Variants in CLNK observed in about 807,000 individuals in gnomAD.
CLNK encodes cytokine dependent hematopoietic cell linker, also known as cytokine-dependent hematopoietic cell linker.
A neutral mutation model predicts 68.6 loss-of-function variants in CLNK; 74 were observed. The observed-to-expected ratio is 1.08, with a 90% CI of 0.89 to 1.31. The LOEUF (loss-of-function observed/expected upper bound fraction) is 1.31, where lower values mean the gene tolerates loss of function less well. CLNK is among the 50% of genes most tolerant of loss of function. The pLI is 0.00. For synonymous variants in CLNK, 198 were observed against 172.2 expected (o/e 1.15, Z -1.17); for missense variants, 553 against 515.3 (o/e 1.07, Z -0.71).
At chr4:10,521,997 G>A (rs1365654321) in intron 14 of CLNK, among the ~76,000 whole-genome samples, 2 of 152,178 alleles carry the variant, frequency 1.3e-5, no homozygotes, top group African/African-American at 2.4e-5. Context: ...GTTGGCTCAC[G>A]CGTGTAATCC....
the CLNK span, among the ~76,000 whole-genome samples, chr4:10,702,530 AG>A: frequency 6.6e-6 from 1 of 152,242 alleles, no homozygotes; most frequent in Admixed American, 6.5e-5. Context: ...GCTGACAGGC[AG>A]CAAATCTGGG....
At chr4:10,520,700 C>T (rs1441524527) in intron 15 of CLNK, 91 bp downstream of exon 15, 2 of 899,276 alleles carry the variant, frequency 2.2e-6, no homozygotes, top group South Asian at 1.4e-5. Flanking sequence ...AGCTCAGTGG[C>T]TCTGGGGTTC....
At chr4:10,537,706 C>CCTTCCTTCCTTCCTTTCTTTCTTT (rs1553848181) in intron 11 of CLNK, among the ~76,000 whole-genome samples, 6 of 13,396 alleles carry the variant, frequency 4.5e-4, no homozygotes, top group South Asian at 3.3e-3. Flanking sequence ...TTCCTTCCTT[C>CCTTCCTTCCTTCCTTTCTTTCTTT]CTTTCTTTCT....
intron 18 of CLNK, among the ~76,000 whole-genome samples, chr4:10,496,909 C>G (rs1313185769): frequency 2.0e-5 from 3 of 152,198 alleles, no homozygotes; most frequent in African/African-American, 7.2e-5. Context: ...AGCCCCTATG[C>G]CGGGGCCCGC....
chr4:10,710,030 G>T, the CLNK span, among the ~76,000 whole-genome samples: 1 of 152,206 alleles, frequency 6.6e-6, no homozygotes, highest in Non-Finnish European at 1.5e-5. Flanking sequence ...ATATGGTGGT[G>T]TTTGTTAGGC....
chr4:10,592,458 T>G (rs568156088), intron 3 of CLNK, among the ~76,000 whole-genome samples: 1 of 152,140 alleles, frequency 6.6e-6, no homozygotes, highest in Non-Finnish European at 1.5e-5. Flanking sequence ...CCTCCCCCAC[T>G]TCCCCACTTG....
chr4:10,647,207 A>G (rs1360141864), intron 2 of CLNK, among the ~76,000 whole-genome samples: 1 of 152,206 alleles, frequency 6.6e-6, no homozygotes, highest in Non-Finnish European at 1.5e-5. Flanking sequence ...AAAACTTGTT[A>G]TGTATCAAGA....
intron 2 of CLNK, among the ~76,000 whole-genome samples, chr4:10,630,975 G>A (rs1390239762): frequency 6.6e-6 from 1 of 152,124 alleles, no homozygotes; most frequent in Admixed American, 6.6e-5. Context: ...TTTACAGAAT[G>A]TATGAAAAAG....
At chr4:10,643,324 T>C (rs1440493323) in intron 2 of CLNK, among the ~76,000 whole-genome samples, 3 of 152,244 alleles carry the variant, frequency 2.0e-5, no homozygotes, top group African/African-American at 7.2e-5. Context: ...ACAGAATGTC[T>C]CTTGGATGTC....
At chr4:10,689,301 A>C (rs1725380741), upstream of CLNK, among the ~76,000 whole-genome samples, 1 of 151,820 alleles carries the variant, frequency 6.6e-6, no homozygotes, top group Non-Finnish European at 1.5e-5. Flanking sequence ...TACCAGGCTA[A>C]CTTTCTTTAG....
At chr4:10,501,518 G>GT in intron 17 of CLNK, 107 bp from the exon 18 acceptor site, 1 of 1,177,708 alleles carries the variant, frequency 8.5e-7, no homozygotes, top group South Asian at 1.5e-5. Context: ...GATGGATTTA[G>GT]TTTTTGGTAA....
At chr4:10,557,580 G>T (rs543651496) in intron 8 of CLNK, among the ~76,000 whole-genome samples, 2 of 152,178 alleles carry the variant, frequency 1.3e-5, no homozygotes. Flanking sequence ...GTCAGCCATG[G>T]TTCTTGTGCC....
the CLNK span, among the ~76,000 whole-genome samples, chr4:10,720,678 C>CA: frequency 4.1e-4 from 60 of 145,986 alleles, 2 homozygotes; most frequent in South Asian, 1.1e-3. Flanking sequence ...AAAATGCATA[C>CA]AAAAAAAAAT....
chr4:10,592,994 T>C (rs568737461), intron 3 of CLNK, among the ~76,000 whole-genome samples: 2 of 152,268 alleles, frequency 1.3e-5, no homozygotes, highest in South Asian at 4.1e-4. Flanking sequence ...CCCAAAGTGC[T>C]GGGATTACAA....
upstream of CLNK, among the ~76,000 whole-genome samples, chr4:10,687,920 A>T (rs886910214): frequency 6.6e-6 from 1 of 152,204 alleles, no homozygotes; most frequent in Non-Finnish European, 1.5e-5. Context: ...TCTTAACAAG[A>T]AGTATAAATC....
intron 2 of CLNK, among the ~76,000 whole-genome samples, chr4:10,649,370 G>T (rs1440771897): frequency 4.6e-5 from 7 of 152,146 alleles, no homozygotes; most frequent in Admixed American, 4.6e-4. Flanking sequence ...GGTGAATAAA[G>T]ATGAGAACCT....
chr4:10,718,178 G>C, the CLNK span, among the ~76,000 whole-genome samples: 2 of 152,136 alleles, frequency 1.3e-5, no homozygotes, highest in Admixed American at 1.3e-4. Context: ...CAATTAAAAC[G>C]TGTTGGATCT....
At chr4:10,559,848 A>T (rs1403678046) in intron 7 of CLNK, among the ~76,000 whole-genome samples, 1 of 152,210 alleles carries the variant, frequency 6.6e-6, no homozygotes, top group South Asian at 2.1e-4. Context: ...TCACAGGTAC[A>T]TTGTAACAGA....
intron 11 of CLNK, among the ~76,000 whole-genome samples, chr4:10,537,079 A>G (rs1374970688): frequency 6.6e-6 from 1 of 152,228 alleles, no homozygotes; most frequent in Non-Finnish European, 1.5e-5. Flanking sequence ...TCTGATGCCC[A>G]GGTCTCACTT....
Sources: allele counts gnomAD v4.1 joint callset (sites outside exome capture counted in the v4.1 genomes callset), GRCh38; gene constraint gnomAD v4.1.1; transcripts MANE v1.5; gene names NCBI Gene and HGNC (gene_info 2026-07-23, HGNC 2026-07-21).